CNTNAP2: variants seen among roughly 807,000 people sequenced by gnomAD.
The protein encoded by CNTNAP2 is contactin-associated protein-like 2.
In CNTNAP2, 98 loss-of-function variants were observed where a neutral mutation model predicts 155.2. That is an observed-to-expected ratio of 0.63 (90% CI 0.54 to 0.75). CNTNAP2 has a LOEUF of 0.75. CNTNAP2 is among the 30% of genes least tolerant of loss of function. The pLI, the probability that CNTNAP2 is intolerant of heterozygous loss-of-function variation, is 0.00. For synonymous variants in CNTNAP2, 651 were observed against 631.2 expected, an observed-to-expected ratio of 1.03 and a Z score of -0.47; for missense variants, 1,727 against 1,688.1, an observed-to-expected ratio of 1.02 and a Z score of -0.40.
chr7:146,686,603 A>C (rs1461909998), intron 1 of CNTNAP2, among the ~76,000 whole-genome samples: 2 of 152,190 alleles, frequency 1.3e-5, no homozygotes, highest in East Asian at 3.9e-4. Context: ...AAAGGAAATT[A>C]AAAGATAATT....
At position 148,412,090 on chromosome 7, in the gene CNTNAP2, G is replaced by A. The variant is rs181302743; in HGVS notation, c.3796+2619G>A. ...CCCGAGTAGCTGGGATTACAGGCAC[G>A]CACCACCATGTCCAGCTAATTTTTG... On this transcript the variant is annotated intron_variant, in intron 23 of 23. Transcript: ENST00000361727. Among the ~76,000 whole-genome samples, 96 of 146,612 alleles carry A rather than the reference G, an allele frequency of 6.5e-4. No individual in the cohort carries two copies. The South Asian group carries it at 8.1e-3, about 12-fold the overall frequency.
intron 21 of CNTNAP2, among the ~76,000 whole-genome samples, chr7:148,319,637 G>A (rs958248475): frequency 2.0e-5 from 3 of 151,820 alleles, no homozygotes; most frequent in East Asian, 3.9e-4. Flanking sequence ...CTGTCAGCTC[G>A]GCAGCAACAC....
chr7:146,639,849 C>T (rs1563167559), intron 1 of CNTNAP2, among the ~76,000 whole-genome samples: 2 of 152,232 alleles, frequency 1.3e-5, no homozygotes, highest in Non-Finnish European at 2.9e-5. Context: ...TTGTCCACAT[C>T]ACAGCTAAGA....
intron 14 of CNTNAP2, among the ~76,000 whole-genome samples, chr7:147,932,417 C>A (rs1800522374): frequency 6.6e-6 from 1 of 152,096 alleles, no homozygotes; most frequent in Non-Finnish European, 1.5e-5. Context: ...GCATATATGA[C>A]CAACTGATCT....
At chr7:147,739,646 G>A (rs1229656625) in intron 13 of CNTNAP2, among the ~76,000 whole-genome samples, 1 of 151,888 alleles carries the variant, frequency 6.6e-6, no homozygotes, top group African/African-American at 2.4e-5. Context: ...AATACAGTCA[G>A]AAGCCTTGAG....
At chr7:146,355,319 G>A (rs555945967) in intron 1 of CNTNAP2, among the ~76,000 whole-genome samples, 5 of 152,108 alleles carry the variant, frequency 3.3e-5, no homozygotes, top group Admixed American at 1.3e-4. Flanking sequence ...TGACCAACAG[G>A]GGGTGTGCTA....
intron 12 of CNTNAP2, among the ~76,000 whole-genome samples, chr7:147,601,270 G>A (rs990280894): frequency 5.9e-5 from 9 of 152,108 alleles, no homozygotes; most frequent in African/African-American, 1.2e-4. Context: ...TATTTCACCC[G>A]GGTGCAGGCG....
chr7:147,744,673 G>A (rs561924605), intron 13 of CNTNAP2, among the ~76,000 whole-genome samples: 1 of 152,174 alleles, frequency 6.6e-6, no homozygotes, highest in Non-Finnish European at 1.5e-5. Context: ...TACCCTCAGG[G>A]TTGTTTTCTG....
intron 1 of CNTNAP2, among the ~76,000 whole-genome samples, chr7:146,643,708 G>A (rs1799756425): frequency 6.6e-6 from 1 of 152,118 alleles, no homozygotes; most frequent in African/African-American, 2.4e-5. Flanking sequence ...AAAGTCATTG[G>A]TAGCTTGATG....
At chr7:146,637,644 C>A (rs921574894) in intron 1 of CNTNAP2, among the ~76,000 whole-genome samples, 1 of 152,098 alleles carries the variant, frequency 6.6e-6, no homozygotes, top group African/African-American at 2.4e-5. Flanking sequence ...TGTGTATTTT[C>A]TCAGGGACAG....
intron 1 of CNTNAP2, among the ~76,000 whole-genome samples, chr7:146,706,091 G>C (rs1585050353): frequency 6.6e-6 from 1 of 151,478 alleles, no homozygotes; most frequent in South Asian, 2.1e-4. Flanking sequence ...CTAGATGCCA[G>C]TAACACCCCT....
intron 12 of CNTNAP2, among the ~76,000 whole-genome samples, chr7:147,607,506 A>G (rs1284126300): frequency 6.6e-6 from 1 of 151,932 alleles, no homozygotes; most frequent in African/African-American, 2.4e-5. Context: ...GTTGGAAGCA[A>G]TGAGAAAGGG....
At chr7:147,067,874 T>C (rs1465329119) in intron 4 of CNTNAP2, among the ~76,000 whole-genome samples, 1 of 152,234 alleles carries the variant, frequency 6.6e-6, no homozygotes, top group Non-Finnish European at 1.5e-5. Context: ...TAGTTTCTTA[T>C]ATGGCACAAT....
intron 9 of CNTNAP2, among the ~76,000 whole-genome samples, chr7:147,336,495 T>C (rs4726842): frequency 0.16 from 24,865 of 152,122 alleles, 2,344 homozygotes; most frequent in East Asian, 0.35. Flanking sequence ...GTTTAATTTA[T>C]TGAAGTCTCT....
intron 3 of CNTNAP2, among the ~76,000 whole-genome samples, chr7:146,988,873 T>C (rs1379617016): frequency 6.6e-6 from 1 of 152,172 alleles, no homozygotes; most frequent in Non-Finnish European, 1.5e-5. Flanking sequence ...AATGACAACA[T>C]CTGCATCTGT....
At chr7:146,587,956 GA>G (rs1798720308) in intron 1 of CNTNAP2, among the ~76,000 whole-genome samples, 1 of 151,996 alleles carries the variant, frequency 6.6e-6, no homozygotes, top group Non-Finnish European at 1.5e-5. Context: ...TTACAGGTGT[GA>G]GCCACTGCGC....
At chr7:148,278,565 A>G (rs10952745) in intron 21 of CNTNAP2, among the ~76,000 whole-genome samples, 94,133 of 135,686 alleles carry the variant, frequency 0.69, 32,687 homozygotes, top group South Asian at 0.81. Flanking sequence ...GTGAGACTAC[A>G]TCTCAAAAAA....
At chr7:147,353,910 T>C (rs9918588) in intron 9 of CNTNAP2, among the ~76,000 whole-genome samples, 26,694 of 152,164 alleles carry the variant, frequency 0.18, 2,520 homozygotes, top group African/African-American at 0.23. Flanking sequence ...ATGAGCTTTT[T>C]TCATGTTTGT....
chr7:147,408,389 A>G (rs1315593809), intron 10 of CNTNAP2, among the ~76,000 whole-genome samples: 5 of 152,222 alleles, frequency 3.3e-5, no homozygotes, highest in Non-Finnish European at 5.9e-5. Flanking sequence ...TCAAGGATTT[A>G]CAGTAGGTTC....
Sources: gnomAD v4.1 joint callset for allele counts (sites outside exome capture counted in the v4.1 genomes callset) on GRCh38, gnomAD v4.1.1 for gene constraint, MANE v1.5 for transcripts, NCBI Gene and HGNC (gene_info 2026-07-23, HGNC 2026-07-21) for gene names.